The following NRXN3 variants were observed in gnomAD, a reference collection of about 807,000 sequenced individuals.
NRXN3 encodes neurexin 3, also known as neurexin III.
A neutral mutation model predicts 137.6 loss-of-function variants in NRXN3; 32 were observed. The observed-to-expected ratio is 0.23, with a 90% CI of 0.18 to 0.31. The LOEUF is 0.31. NRXN3 is among the 10% of genes least tolerant of loss of function. The pLI, the probability that NRXN3 is intolerant of heterozygous loss-of-function variation, is 1.00. For missense variants in NRXN3, 1,574 were observed against 2,062.5 expected (o/e 0.76, Z 4.59); for synonymous variants, 798 against 784.5 (o/e 1.02, Z -0.29).
chr14:79,858,596 G>A (rs561278936), intron 20 of NRXN3, among the ~76,000 whole-genome samples: 14 of 152,058 alleles, frequency 9.2e-5, no homozygotes, highest in Admixed American at 2.6e-4. Flanking sequence ...CGGTGTTTGT[G>A]CCAGAAAAGA....
At chr14:79,072,870 T>TTCTC (rs762275221) in intron 15 of NRXN3, among the ~76,000 whole-genome samples, 1 of 149,448 alleles carries the variant, frequency 6.7e-6, no homozygotes, top group Non-Finnish European at 1.5e-5. Flanking sequence ...GGTATGTGTT[T>TTCTC]TCTCTCTCTC....
intron 15 of NRXN3, among the ~76,000 whole-genome samples, chr14:79,099,515 G>A (rs1446035489): frequency 1.3e-5 from 2 of 152,118 alleles, no homozygotes; most frequent in East Asian, 1.9e-4. Context: ...ATATAAGGGA[G>A]TATATTTTTA....
At chr14:79,720,927 G>A (rs1035680998) in intron 19 of NRXN3, among the ~76,000 whole-genome samples, 2 of 152,056 alleles carry the variant, frequency 1.3e-5, no homozygotes, top group African/African-American at 4.8e-5. Flanking sequence ...GAGCATGTTT[G>A]AAGGTCCATT....
At chr14:79,435,862 G>T (rs145791291) in intron 15 of NRXN3, among the ~76,000 whole-genome samples, 1 of 151,906 alleles carries the variant, frequency 6.6e-6, no homozygotes, top group African/African-American at 2.4e-5. Context: ...TCAAACTCTC[G>T]GACTGAAGGG....
intron 4 of NRXN3, among the ~76,000 whole-genome samples, chr14:78,489,916 CTT>C (rs11342442): frequency 0.025 from 3,459 of 140,438 alleles, 107 homozygotes; most frequent in African/African-American, 0.075. Context: ...GAGAGCTGGA[CTT>C]TTTTTTTTTT....
intron 15 of NRXN3, among the ~76,000 whole-genome samples, chr14:79,210,131 T>C (rs1429445467): frequency 6.6e-6 from 1 of 152,192 alleles, no homozygotes; most frequent in Non-Finnish European, 1.5e-5. Flanking sequence ...GTAACCACCT[T>C]AATTTCTTCA....
chr14:79,667,014 G>T (rs1010228445), intron 17 of NRXN3, among the ~76,000 whole-genome samples: 1 of 151,488 alleles, frequency 6.6e-6, no homozygotes, highest in Non-Finnish European at 1.5e-5. Flanking sequence ...TTGAGCCTTG[G>T]ATACCTTATT....
At position 78,211,565 on chromosome 14, in the gene NRXN3, T is replaced by C. The variant is rs576697868; in HGVS notation, c.-703-30826T>C. Among the ~76,000 whole-genome samples the C allele has an allele frequency of 2.6e-5, 4 of 152,358 alleles. No homozygotes were observed. In the East Asian group the frequency reaches 7.7e-4, roughly 29 times the overall value. The stretch of plus-strand genomic sequence containing the variant: ...ACACAGCATCAGCCCTGTGAGAAGC[T>C]AATTTGATAAACCCCACTCCAAAGC... On this transcript the variant is annotated intron_variant, in intron 1 of 20. Transcript: ENST00000335750.
At chr14:78,671,596 GA>G (rs2097936319) in intron 6 of NRXN3, among the ~76,000 whole-genome samples, 1 of 151,716 alleles carries the variant, frequency 6.6e-6, no homozygotes, top group Non-Finnish European at 1.5e-5. Context: ...TCAAACATGT[GA>G]AAAAAAGAAA....
At position 79,032,513 on chromosome 14, in the gene NRXN3, C is replaced by G. The variant is rs116635934; in HGVS notation, c.3262+44372C>G. On this transcript the variant is annotated intron_variant, in intron 15 of 20. Transcript: ENST00000335750. ...AAAGTACATGACATGGGAGCATACT[C>G]TCACCTGAGCCTTAGAGAGGAAACT... Among the ~76,000 whole-genome samples the G allele has an allele frequency of 6.4e-3, 968 of 152,274 alleles. 10 individuals are homozygous for G. Among genetic ancestry groups the G allele is most frequent in the African/African-American group, 0.022 (917 of 41,574 alleles).
Position 78,491,225 on chromosome 14 carries a change from C to T in NRXN3, c.758-153895C>T, listed in dbSNP as rs113566047. Among the ~76,000 whole-genome samples, 23 of 152,246 alleles carry T rather than the reference C, an allele frequency of 1.5e-4. 1 individual carries two copies. Among genetic ancestry groups the T allele is most frequent in the African/African-American group, 3.9e-4 (16 of 41,534 alleles). ...GATGGGAATTGGGATCAGCTGTGAC[C>T]TAATTATGAGTCTCGTAAACCTGCA... On this transcript the variant is annotated intron_variant, in intron 4 of 20. Transcript: ENST00000335750.
intron 15 of NRXN3, among the ~76,000 whole-genome samples, chr14:79,401,110 C>T (rs1342582877): frequency 6.6e-6 from 1 of 152,144 alleles, no homozygotes; most frequent in Non-Finnish European, 1.5e-5. Context: ...AAACTTTGTG[C>T]GTGATTCAGG....
chr14:79,702,706 G>A (rs2098759433), intron 19 of NRXN3, among the ~76,000 whole-genome samples: 1 of 152,020 alleles, frequency 6.6e-6, no homozygotes, highest in South Asian at 2.1e-4. Context: ...TGGGTTCCCT[G>A]TGTACCTTAC....
At chr14:79,387,776 A>G (rs922235468) in intron 15 of NRXN3, among the ~76,000 whole-genome samples, 1 of 151,614 alleles carries the variant, frequency 6.6e-6, no homozygotes, top group Non-Finnish European at 1.5e-5. Context: ...ATGCAGCCAT[A>G]AAAAAGGATG....
intron 4 of NRXN3, among the ~76,000 whole-genome samples, chr14:78,493,726 G>A (rs1314703269): frequency 6.6e-6 from 1 of 151,988 alleles, no homozygotes; most frequent in Non-Finnish European, 1.5e-5. Context: ...ATGACTTTCA[G>A]TGCTATAGCA....
intron 4 of NRXN3, among the ~76,000 whole-genome samples, chr14:78,542,084 C>T (rs370910911): frequency 1.6e-4 from 24 of 152,354 alleles, no homozygotes; most frequent in African/African-American, 5.8e-4. Flanking sequence ...AGGTGTCTGT[C>T]ATCCCCTACT....
chr14:78,876,952 C>T (rs2099115378), intron 10 of NRXN3, among the ~76,000 whole-genome samples: 1 of 152,178 alleles, frequency 6.6e-6, no homozygotes, highest in Non-Finnish European at 1.5e-5. Context: ...CCTAGCAAAT[C>T]ATTGTTTTCT....
chr14:78,336,378 T>C (rs559399401), intron 4 of NRXN3, among the ~76,000 whole-genome samples: 10 of 152,232 alleles, frequency 6.6e-5, no homozygotes, highest in Middle Eastern at 3.4e-3. Context: ...GAGTTTGAAC[T>C]GGTATTTTAG....
At chr14:79,625,943 G>A (rs910645241) in intron 16 of NRXN3, among the ~76,000 whole-genome samples, 9 of 152,196 alleles carry the variant, frequency 5.9e-5, no homozygotes, top group Admixed American at 2.0e-4. Flanking sequence ...TCATAGGACC[G>A]GTGTAAGGAT....
Sources: allele counts gnomAD v4.1 joint callset (sites outside exome capture counted in the v4.1 genomes callset), GRCh38; gene constraint gnomAD v4.1.1; transcripts MANE v1.5; gene names NCBI Gene and HGNC (gene_info 2026-07-23, HGNC 2026-07-21).